The following MORC1 variants were observed in gnomAD, a reference collection of about 807,000 sequenced individuals.
The protein encoded by MORC1 is MORC family CW-type zinc finger protein 1.
MORC1 carries 59 observed loss-of-function variants against 134.9 expected under a neutral mutation model. That is an observed-to-expected ratio of 0.44 (90% CI 0.35 to 0.54). The LOEUF (loss-of-function observed/expected upper bound fraction) is 0.54. Among genes scored for constraint, MORC1 ranks in the 20% least tolerant of loss-of-function variants. The pLI, the probability that MORC1 is intolerant of heterozygous loss-of-function variation, is 0.00. For synonymous variants in MORC1, 395 were observed against 391.7 expected, an observed-to-expected ratio of 1.01 and a Z score of -0.10; for missense variants, 947 against 1,134.5, an observed-to-expected ratio of 0.83 and a Z score of 2.37.
intron 12 of MORC1, 76 bp downstream of exon 12, chr3:109,059,730 T>C: frequency 1.5e-6 from 2 of 1,312,320 alleles, no homozygotes; most frequent in Non-Finnish European, 2.1e-6. Context: ...AACCACTAAA[T>C]CTGCCTACTT....
intron 16 of MORC1, among the ~76,000 whole-genome samples, chr3:109,032,008 TTTTTC>T (rs1418806957): frequency 6.6e-6 from 1 of 152,216 alleles, no homozygotes; most frequent in East Asian, 1.9e-4. Flanking sequence ...AAATGTTTTC[TTTTTC>T]TTTTATCTTT....
intron 24 of MORC1, among the ~76,000 whole-genome samples, chr3:108,971,833 G>A (rs951577593): frequency 6.6e-6 from 1 of 151,536 alleles, no homozygotes. Flanking sequence ...AAGGAAGGGA[G>A]GGAGGGAGGG....
At chr3:108,959,225 A>G (rs1413580682) in intron 27 of MORC1, 105 bp from the exon 28 acceptor site, 2 of 895,498 alleles carry the variant, frequency 2.2e-6, no homozygotes, top group South Asian at 1.9e-5. Context: ...ATGCTGCAAC[A>G]AAAGCCACCT....
intron 27 of MORC1, among the ~76,000 whole-genome samples, chr3:108,959,349 T>A (rs3828387): frequency 0.36 from 55,028 of 152,072 alleles, 10,723 homozygotes; most frequent in Non-Finnish European, 0.43. Flanking sequence ...TGGAAGTTAG[T>A]ACAACTTTTT....
At chr3:109,049,097 A>G (rs1320579752) in intron 14 of MORC1, 1 of 967,676 alleles carries the variant, frequency 1.0e-6, no homozygotes, top group African/African-American at 1.8e-5. Flanking sequence ...CTTGTCTCAT[A>G]TTCTCACCTT....
At chr3:109,071,636 A>G (rs1950319197) in intron 8 of MORC1, among the ~76,000 whole-genome samples, 1 of 152,166 alleles carries the variant, frequency 6.6e-6, no homozygotes, top group East Asian at 1.9e-4. Context: ...CCTTCTCATG[A>G]AAGTTCACAT....
intron 14 of MORC1, among the ~76,000 whole-genome samples, chr3:109,042,499 G>A (rs1199880438): frequency 1.3e-5 from 2 of 152,132 alleles, no homozygotes; most frequent in Non-Finnish European, 2.9e-5. Flanking sequence ...AATTAGTGTA[G>A]CCATTATGAA....
intron 13 of MORC1, among the ~76,000 whole-genome samples, chr3:109,055,345 C>T (rs76485909): frequency 0.032 from 4,829 of 152,268 alleles, 242 homozygotes; most frequent in African/African-American, 0.11. Flanking sequence ...GAAGGAATCA[C>T]AGAGTTGGCT....
intron 17 of MORC1, among the ~76,000 whole-genome samples, chr3:109,019,487 A>C (rs1418483053): frequency 6.6e-6 from 1 of 152,228 alleles, no homozygotes; most frequent in Admixed American, 6.5e-5. Context: ...CTTTGAACTA[A>C]GAATCAATCC....
intron 2 of MORC1, among the ~76,000 whole-genome samples, chr3:109,112,546 G>C (rs770115304): frequency 6.6e-6 from 1 of 152,182 alleles, no homozygotes; most frequent in Non-Finnish European, 1.5e-5. Context: ...GGACTGAAGG[G>C]TTGAGGCTGT....
intron 11 of MORC1, 136 bp from the exon 12 acceptor site, chr3:109,060,006 T>C (rs976193804): frequency 4.6e-6 from 3 of 653,464 alleles, no homozygotes; most frequent in African/African-American, 1.9e-5. Context: ...CCATCATAGA[T>C]TCTCAATACT....
intron 22 of MORC1, among the ~76,000 whole-genome samples, chr3:108,985,465 G>A (rs1034775424): frequency 2.0e-5 from 3 of 152,152 alleles, no homozygotes; most frequent in East Asian, 1.9e-4. Context: ...TTACCAAGAA[G>A]TTTAGGGTTA....
At chr3:108,986,829 C>T (rs770500672) in intron 22 of MORC1, 51 bp downstream of exon 22, 3 of 1,281,210 alleles carry the variant, frequency 2.3e-6, no homozygotes, top group Non-Finnish European at 2.1e-6. Context: ...TTGAAAATGT[C>T]TCAAACATTA....
intron 1 of MORC1, among the ~76,000 whole-genome samples, chr3:109,117,359 A>C (rs909336685): frequency 2.7e-5 from 4 of 148,526 alleles, no homozygotes; most frequent in Non-Finnish European, 6.0e-5. Context: ...AAAAAGAAAC[A>C]TAAAGAAAAA....
intron 26 of MORC1, among the ~76,000 whole-genome samples, chr3:108,968,028 T>C (rs1019055704): frequency 9.9e-5 from 15 of 152,172 alleles, no homozygotes; most frequent in Non-Finnish European, 2.2e-4. Flanking sequence ...AGGATAAATG[T>C]GTTAATATAG....
chr3:109,050,060 C>T (rs1449740905), intron 14 of MORC1, among the ~76,000 whole-genome samples: 1 of 152,090 alleles, frequency 6.6e-6, no homozygotes, highest in Non-Finnish European at 1.5e-5. Context: ...CTCCTGGGCC[C>T]CAAGCAGGAA....
chr3:108,971,285 G>C (rs1419173530), intron 25 of MORC1, 45 bp downstream of exon 25: 1 of 1,538,850 alleles, frequency 6.5e-7, no homozygotes, highest in South Asian at 1.1e-5. Flanking sequence ...CTGAGATTCA[G>C]GCTATTCTAT....
chr3:109,026,062 C>T (rs1306641814), intron 17 of MORC1, among the ~76,000 whole-genome samples: 2 of 152,146 alleles, frequency 1.3e-5, no homozygotes, highest in African/African-American at 4.8e-5. Flanking sequence ...CAATGATCAC[C>T]TCAAAATTAA....
intron 21 of MORC1, among the ~76,000 whole-genome samples, chr3:108,988,905 T>C (rs1179512978): frequency 1.3e-5 from 2 of 152,204 alleles, no homozygotes; most frequent in African/African-American, 2.4e-5. Flanking sequence ...GGATCAGATA[T>C]GCCTTCTTTC....
Sources: gnomAD v4.1 joint callset for allele counts (sites outside exome capture counted in the v4.1 genomes callset) on GRCh38, gnomAD v4.1.1 for gene constraint, MANE v1.5 for transcripts, NCBI Gene and HGNC (gene_info 2026-07-23, HGNC 2026-07-21) for gene names.